DCBLD1: variants seen among roughly 807,000 people sequenced by gnomAD.
DCBLD1 encodes discoidin, CUB and LCCL domain containing 1, also known as discoidin, CUB and LCCL domain-containing protein 1.
A neutral mutation model predicts 71.5 loss-of-function variants in DCBLD1; 57 were observed. The observed-to-expected ratio is 0.80, with a 90% CI of 0.64 to 0.99. The LOEUF is 0.99. Among genes scored for constraint, DCBLD1 ranks in the 50% least tolerant of loss-of-function variants. The pLI is 0.00. For missense variants in DCBLD1, 891 were observed against 923.5 expected (o/e 0.96, Z 0.46); for synonymous variants, 380 against 363.8 (o/e 1.04, Z -0.51).
In DCBLD1 at chr6:117,548,195, C is replaced by G. The variant is rs1475089624; in HGVS notation, c.1904C>G (p.Ser635Cys). ...GPQPGHKHSLSSGGFSPVAGV... is the reference protein window; with the variant it reads ...GPQPGHKHSLCSGGFSPVAGV... ...CAGCCCGGCCACAAACACTCCCTCT[C>G]CTCGGGCGGCTTCTCCCCCGTAGCG... Residue 635 changes from serine to cysteine, a missense_variant, in exon 15 of 15, where the codon TCC (serine) becomes TGC (cysteine). Physicochemically the swap from Ser to Cys is moderately radical, Grantham distance 112. Coordinates refer to ENST00000338728, the MANE Select transcript of DCBLD1 (RefSeq NM_001366458.2). 3.9e-6 allele frequency: 6 copies of G among 1,550,344 alleles called. No homozygotes were observed. Among genetic ancestry groups the G allele is most frequent in the Admixed American group, 2.0e-5 (1 of 50,986 alleles).
At chr6:117,532,631 C>A (rs910032431) in intron 6 of DCBLD1, among the ~76,000 whole-genome samples, 8 of 152,202 alleles carry the variant, frequency 5.3e-5, no homozygotes, top group Admixed American at 1.3e-4. Flanking sequence ...CTCTGAAGCC[C>A]TGGGGCAGAG....
At chr6:117,517,281 C>G (rs776817376) in intron 2 of DCBLD1, among the ~76,000 whole-genome samples, 2 of 152,232 alleles carry the variant, frequency 1.3e-5, no homozygotes, top group South Asian at 2.1e-4. Flanking sequence ...AATCTTAAAG[C>G]TCCAAAATGA....
At position 117,503,953 on chromosome 6, in the gene DCBLD1, T is replaced by C. The variant is rs1296889167; in HGVS notation, c.299T>C (p.Leu100Pro). The change falls in exon 2 of 15, where the codon CTC (leucine) becomes CCC (proline). Residue 100 changes from leucine to proline, a missense_variant. Coordinates refer to ENST00000338728, the MANE Select transcript of DCBLD1 (RefSeq NM_001366458.2). The part of the protein sequence containing the change: ...ESQTCASDYL[L>P]FTSSSDQYGP... ...CAGACCTGTGCTTCTGACTATCTTC[T>C]CTTCACCAGCTCTTCAGATCAATAT... 13 of 1,614,156 alleles carry C rather than the reference T, an allele frequency of 8.1e-6. No individual in the cohort carries two copies. The highest frequency in any genetic ancestry group is 1.1e-5 in the Non-Finnish European group (13 of 1,179,986).
intron 2 of DCBLD1, among the ~76,000 whole-genome samples, chr6:117,514,615 CAAT>C (rs775745662): frequency 1.1e-4 from 17 of 151,092 alleles, no homozygotes; most frequent in South Asian, 2.1e-4. Flanking sequence ...AAAATCCTCT[CAAT>C]GATGATATTT....
At chr6:117,504,484 T>C (rs376948854) in intron 2 of DCBLD1, among the ~76,000 whole-genome samples, 35 of 152,276 alleles carry the variant, frequency 2.3e-4, no homozygotes, top group African/African-American at 7.2e-4. Flanking sequence ...CCAAAGGTGA[T>C]GTAGAGCCTG....
intron 14 of DCBLD1, among the ~76,000 whole-genome samples, chr6:117,565,362 C>T (rs570144272): frequency 6.6e-6 from 1 of 152,254 alleles, no homozygotes; most frequent in East Asian, 1.9e-4. Flanking sequence ...TTTCAGATAA[C>T]TGTCAGTATT....
chr6:117,543,277 T>C, intron 12 of DCBLD1, 66 bp downstream of exon 12: 2 of 1,397,934 alleles, frequency 1.4e-6, no homozygotes, highest in South Asian at 1.2e-5. Flanking sequence ...CCAAAAAGTT[T>C]ATTCTTCAGA....
chr6:117,563,193 TC>T, intron 14 of DCBLD1: 2 of 1,506,614 alleles, frequency 1.3e-6, no homozygotes. Context: ...GTCACCATCT[TC>T]CCCAGTGCCC....
At position 117,566,334 on chromosome 6, in the gene DCBLD1, T is replaced by C. The variant is rs148410893; in HGVS notation, c.1616-3286T>C. Among the ~76,000 whole-genome samples, 273 of 152,302 alleles carry C rather than the reference T, an allele frequency of 1.8e-3. 1 individual carries two copies. Among genetic ancestry groups the C allele is most frequent in the African/African-American group, 6.3e-3 (264 of 41,576 alleles). ...CAGATCACAATTTGAGGACCACTGCTCTATGTAAAAGGAAGTGCTAGAGTT... is the reference window on the plus strand; with the variant it reads ...CAGATCACAATTTGAGGACCACTGCCCTATGTAAAAGGAAGTGCTAGAGTT... On this transcript the variant is annotated intron_variant, in intron 14 of 14. Transcript: ENST00000296955.
intron 1 of DCBLD1, among the ~76,000 whole-genome samples, chr6:117,501,009 T>C (rs1777639607): frequency 6.6e-6 from 1 of 150,794 alleles, no homozygotes; most frequent in Non-Finnish European, 1.5e-5. Flanking sequence ...AAAAAAAAAG[T>C]TTTTCTCTTC....
chr6:117,525,989 T>A (rs1778536250), intron 5 of DCBLD1, among the ~76,000 whole-genome samples: 1 of 152,248 alleles, frequency 6.6e-6, no homozygotes, highest in Non-Finnish European at 1.5e-5. Flanking sequence ...TCTGATTTTT[T>A]AAAAATTTAC....
rs754375519 is a variant in DCBLD1 at position 117,504,028 on chromosome 6, T to G, written c.325+49T>G. On this transcript the variant is annotated intron_variant, in intron 2 of 14. Coordinates refer to ENST00000338728, the MANE Select transcript of DCBLD1 (RefSeq NM_001366458.2). Reference sequence around the variant, plus strand: ...TCTGAGCATCAAAATTTTTGATATTTGCAGAGAAGGGCAAGTGGTGTGTTA... The same window carrying G: ...TCTGAGCATCAAAATTTTTGATATTGGCAGAGAAGGGCAAGTGGTGTGTTA... 3 of 1,594,500 alleles carry G rather than the reference T, an allele frequency of 1.9e-6. No individual in the cohort carries two copies. In the Admixed American group the frequency reaches 5.0e-5, roughly 27 times the overall value.
intron 5 of DCBLD1, among the ~76,000 whole-genome samples, chr6:117,529,654 T>C (rs1001420790): frequency 2.0e-5 from 3 of 152,228 alleles, no homozygotes; most frequent in Non-Finnish European, 2.9e-5. Flanking sequence ...CAATTTCCTT[T>C]AAGTTGGATG....
chr6:117,525,473 G>A (rs1280439390), intron 5 of DCBLD1, 39 bp downstream of exon 5: 1 of 1,404,122 alleles, frequency 7.1e-7, no homozygotes, highest in African/African-American at 1.5e-5. Flanking sequence ...TGAATTAAAA[G>A]GAGTAAGTGC....
chr6:117,523,585 T>G (rs1170439363), intron 4 of DCBLD1, among the ~76,000 whole-genome samples: 1 of 152,252 alleles, frequency 6.6e-6, no homozygotes, highest in African/African-American at 2.4e-5. Context: ...ATACAGCTGA[T>G]TCTAAGGGAA....
chr6:117,539,133 G>T, intron 8 of DCBLD1, 122 bp from the exon 9 acceptor site: 1 of 888,356 alleles, frequency 1.1e-6, no homozygotes, highest in Non-Finnish European at 1.7e-6. Flanking sequence ...ACTAATATAA[G>T]TTGGCCTGTG....
At chr6:117,511,589 T>C (rs1305590464) in intron 2 of DCBLD1, among the ~76,000 whole-genome samples, 1 of 152,228 alleles carries the variant, frequency 6.6e-6, no homozygotes, top group Non-Finnish European at 1.5e-5. Context: ...TTGGAAATAA[T>C]GCGAAGTGGT....
intron 4 of DCBLD1, among the ~76,000 whole-genome samples, chr6:117,522,469 T>A (rs1778416917): frequency 6.6e-6 from 1 of 151,896 alleles, no homozygotes; most frequent in Admixed American, 6.6e-5. Flanking sequence ...TGAAAGAGTG[T>A]CTTGCTCTTT....
Position 117,548,266 on chromosome 6 carries a change from C to T in DCBLD1, c.1975C>T (p.Gln659Ter). 1 of 1,550,660 alleles carries T rather than the reference C, an allele frequency of 6.4e-7. No homozygotes were observed. The highest frequency in any genetic ancestry group is 8.7e-7 in the Non-Finnish European group (1 of 1,147,004). ...DGDYQRPHSAQPADRGYDRPK... is the reference protein window; with the variant it reads ...DGDYQRPHSA ...AGACTATCAAAGGCCACACAGCGCA[C>T]AGCCTGCGGACAGGGGCTACGACCG... The change falls in exon 15 of 15, where the codon CAG (glutamine) becomes TAG (stop). Residue 659 changes from glutamine to a stop codon, truncating the protein, a stop_gained. Coordinates refer to ENST00000338728, the MANE Select transcript of DCBLD1 (RefSeq NM_001366458.2). LOFTEE classifies it low-confidence loss of function (END_TRUNC).
Sources: allele counts gnomAD v4.1 joint callset (sites outside exome capture counted in the v4.1 genomes callset), GRCh38; gene constraint gnomAD v4.1.1; transcripts MANE v1.5; gene names NCBI Gene and HGNC (gene_info 2026-07-23, HGNC 2026-07-21).